CADPS: variants seen among roughly 807,000 people sequenced by gnomAD.
CADPS encodes calcium-dependent secretion activator 1.
Under a neutral mutation model 167.3 loss-of-function variants are expected in CADPS, and 57 were observed. The observed-to-expected ratio is 0.34, with a 90% CI of 0.28 to 0.42. The LOEUF (loss-of-function observed/expected upper bound fraction) is 0.42, where lower values mean the gene tolerates loss of function less well. Ranked by LOEUF, CADPS falls within the 20% of genes least tolerant of loss-of-function variation. The pLI, the probability that CADPS is intolerant of heterozygous loss-of-function variation, is 1.00. For synonymous variants in CADPS, 676 were observed against 635.3 expected, an observed-to-expected ratio of 1.06 and a Z score of -0.96; for missense variants, 1,414 against 1,738.1, an observed-to-expected ratio of 0.81 and a Z score of 3.32.
intron 6 of CADPS, among the ~76,000 whole-genome samples, chr3:62,607,569 C>T (rs955065366): frequency 1.3e-5 from 2 of 152,322 alleles, no homozygotes; most frequent in Non-Finnish European, 1.5e-5. Context: ...GTGGTGGGTA[C>T]ACAGAAGCAG....
At chr3:62,541,364 G>T (rs1453709843) in intron 11 of CADPS, among the ~76,000 whole-genome samples, 2 of 152,104 alleles carry the variant, frequency 1.3e-5, no homozygotes, top group Non-Finnish European at 2.9e-5. Context: ...CACTTCGGGG[G>T]TTTAATTGCA....
At chr3:62,706,940 C>A (rs144141629) in intron 3 of CADPS, among the ~76,000 whole-genome samples, 114 of 152,264 alleles carry the variant, frequency 7.5e-4, no homozygotes, top group African/African-American at 2.6e-3. Flanking sequence ...CAGACTTCCT[C>A]ACTATGTAAT....
At chr3:62,746,210 C>T (rs1275858672) in intron 3 of CADPS, among the ~76,000 whole-genome samples, 1 of 152,170 alleles carries the variant, frequency 6.6e-6, no homozygotes, top group Non-Finnish European at 1.5e-5. Flanking sequence ...CAAGAGTATA[C>T]ACTTCTAATC....
intron 16 of CADPS, chr3:62,513,783 C>T (rs1196010396): frequency 3.4e-6 from 3 of 892,954 alleles, no homozygotes; most frequent in East Asian, 2.7e-5. Flanking sequence ...TAGAGGAAAA[C>T]GTTACATTAG....
intron 6 of CADPS, among the ~76,000 whole-genome samples, chr3:62,615,803 T>A (rs2062180524): frequency 6.6e-6 from 1 of 152,142 alleles, no homozygotes; most frequent in African/African-American, 2.4e-5. Flanking sequence ...AACATTATGA[T>A]AAGTAAATTT....
chr3:62,429,474 C>G (rs896067720), intron 28 of CADPS, among the ~76,000 whole-genome samples: 2 of 152,226 alleles, frequency 1.3e-5, no homozygotes, highest in East Asian at 3.9e-4. Context: ...TTTTGATAGC[C>G]TATCTGGAGC....
At chr3:62,754,829 G>A (rs992697081) in intron 2 of CADPS, among the ~76,000 whole-genome samples, 1 of 152,114 alleles carries the variant, frequency 6.6e-6, no homozygotes, top group Non-Finnish European at 1.5e-5. Context: ...ATGATATCAG[G>A]CACATAGCAT....
At chr3:62,482,967 A>C (rs975651913) in intron 21 of CADPS, among the ~76,000 whole-genome samples, 1 of 152,170 alleles carries the variant, frequency 6.6e-6, no homozygotes, top group Non-Finnish European at 1.5e-5. Context: ...AAAACAAAAC[A>C]AAACCCCCAA....
intron 1 of CADPS, among the ~76,000 whole-genome samples, chr3:62,827,397 T>C (rs1333125616): frequency 6.6e-6 from 1 of 152,172 alleles, no homozygotes; most frequent in African/African-American, 2.4e-5. Context: ...CCAAAGACTA[T>C]CATTTAACCC....
At chr3:62,662,514 A>T (rs993508906) in intron 3 of CADPS, 120 bp from the exon 4 acceptor site, 2 of 798,574 alleles carry the variant, frequency 2.5e-6, no homozygotes, top group Non-Finnish European at 4.1e-6. Flanking sequence ...GTTAAAAAAA[A>T]ATTCTTATAA....
At chr3:62,861,129 CTGCA>C (rs1439401768) in intron 1 of CADPS, among the ~76,000 whole-genome samples, 1 of 152,160 alleles carries the variant, frequency 6.6e-6, no homozygotes, top group African/African-American at 2.4e-5. Context: ...TAAACTCCAT[CTGCA>C]TCCTTTAGGT....
chr3:62,531,381 C>T (rs977828424), intron 13 of CADPS, among the ~76,000 whole-genome samples: 4 of 152,116 alleles, frequency 2.6e-5, no homozygotes, highest in African/African-American at 9.7e-5. Context: ...AGGTCACGTG[C>T]TGGGCTAGCA....
Position 62,704,004 on chromosome 3 carries a change from C to T in CADPS, c.889-41610G>A, listed in dbSNP as rs573835905. On this transcript the variant is annotated intron_variant, in intron 3 of 29. Transcript: ENST00000383710. ...ACTCACCATGCTGCAGGACTTAACT[C>T]TGACTTCATTCCTTCCTACCACCAG... 3.9e-5 allele frequency among the ~76,000 whole-genome samples: 6 copies of T among 152,212 alleles called. No homozygotes were observed. In the South Asian group the frequency reaches 1.2e-3, roughly 32 times the overall value.
intron 3 of CADPS, among the ~76,000 whole-genome samples, chr3:62,675,857 T>C (rs1168686843): frequency 1.3e-5 from 2 of 152,138 alleles, no homozygotes; most frequent in African/African-American, 2.4e-5. Context: ...TGCCCTTTCA[T>C]ATTTGCAAAA....
At position 62,875,080 on chromosome 3, in the gene CADPS, A is replaced by G; in HGVS notation, c.-51T>C. On this transcript the variant is annotated 5_prime_UTR_variant, in exon 1 of 30. Transcript: ENST00000383710. ...TGGAGCCCCCGGCTTGGAGTGCAAAAGGTGGGGGGCGCTGGAGGCAGCCGG... is the reference window on the plus strand; with the variant it reads ...TGGAGCCCCCGGCTTGGAGTGCAAAGGGTGGGGGGCGCTGGAGGCAGCCGG... 2 of 1,523,916 alleles carry G rather than the reference A, an allele frequency of 1.3e-6. No individual in the cohort carries two copies. The highest frequency in any genetic ancestry group is 1.8e-6 in the Non-Finnish European group (2 of 1,130,682). 94.4% of individuals were successfully genotyped at this position (1,523,916 alleles called of 1,614,324 possible).
At chr3:62,568,162 C>A (rs765554795) in intron 9 of CADPS, among the ~76,000 whole-genome samples, 5 of 152,148 alleles carry the variant, frequency 3.3e-5, no homozygotes, top group Non-Finnish European at 5.9e-5. Context: ...GTCTCATGAC[C>A]ACACTAGCAG....
intron 3 of CADPS, among the ~76,000 whole-genome samples, chr3:62,726,857 A>G (rs1193224869): frequency 6.6e-6 from 1 of 151,870 alleles, no homozygotes; most frequent in Non-Finnish European, 1.5e-5. Flanking sequence ...GCTCTATTCA[A>G]GTTTCCATCT....
chr3:62,676,615 T>A (rs186861583), intron 3 of CADPS, among the ~76,000 whole-genome samples: 9 of 152,268 alleles, frequency 5.9e-5, no homozygotes, highest in Admixed American at 2.6e-4. Context: ...CAGAGATTAT[T>A]ATTGTCGGTG....
At chr3:62,537,995 C>T (rs994057843) in intron 11 of CADPS, among the ~76,000 whole-genome samples, 5 of 152,108 alleles carry the variant, frequency 3.3e-5, no homozygotes, top group African/African-American at 9.7e-5. Flanking sequence ...GCAGAAGCAA[C>T]GGTTTCCAGA....
Sources: allele counts gnomAD v4.1 joint callset (sites outside exome capture counted in the v4.1 genomes callset), GRCh38; gene constraint gnomAD v4.1.1; transcripts MANE v1.5; gene names NCBI Gene and HGNC (gene_info 2026-07-23, HGNC 2026-07-21).